The following ATG4B variants were observed in gnomAD, a reference collection of about 807,000 sequenced individuals.
ATG4B encodes the protein autophagy related 4B cysteine peptidase.
In ATG4B, 29 loss-of-function variants were observed where a neutral mutation model predicts 56.6. That is an observed-to-expected ratio of 0.51 (90% CI 0.38 to 0.70). The LOEUF (loss-of-function observed/expected upper bound fraction) is 0.70. Among genes scored for constraint, ATG4B ranks in the 30% least tolerant of loss-of-function variants. The pLI, the probability that ATG4B is intolerant of heterozygous loss-of-function variation, is 0.00. For missense variants in ATG4B, 461 were observed against 515.5 expected (o/e 0.89, Z 1.02); for synonymous variants, 224 against 206.1 (o/e 1.09, Z -0.74).
At chr2:241,655,207 C>T (rs6712888) in intron 5 of ATG4B, 64 bp from the exon 6 acceptor site, 491,944 of 1,514,426 alleles carry the variant, frequency 0.32, 81,140 homozygotes, top group African/African-American at 0.37. Context: ...CCTGGCACCA[C>T]GTGCCACCAG....
intron 1 of ATG4B, among the ~76,000 whole-genome samples, chr2:241,646,028 C>T (rs1379467936): frequency 6.6e-6 from 1 of 152,194 alleles, no homozygotes; most frequent in African/African-American, 2.4e-5. Context: ...TCCTGGTCTC[C>T]TTGATGGTTT....
intron 8 of ATG4B, among the ~76,000 whole-genome samples, chr2:241,667,285 T>G (rs981617287): frequency 6.6e-6 from 1 of 151,920 alleles, no homozygotes; most frequent in African/African-American, 2.4e-5. Context: ...TGTGAGGAGC[T>G]CCAGCCACAG....
Position 241,672,486 on chromosome 2 carries a change from G to A in ATG4B, c.*222G>A, listed in dbSNP as rs951621946. The A allele has an allele frequency of 2.6e-5, 15 of 578,302 alleles. No individual in the cohort carries two copies. The highest frequency in any genetic ancestry group is 4.0e-5 in the Non-Finnish European group (13 of 324,000). 35.8% of individuals were successfully genotyped at this position (578,302 alleles called of 1,614,324 possible). ...AGTGCCCGTCAGGGCCTGTGCATCCGCACGCGGAGCCGTCTGTTAGGAGCT... is the reference window on the plus strand; with the variant it reads ...AGTGCCCGTCAGGGCCTGTGCATCCACACGCGGAGCCGTCTGTTAGGAGCT... On this transcript the variant is annotated 3_prime_UTR_variant, in exon 13 of 13. Coordinates refer to ENST00000404914, the MANE Select transcript of ATG4B (RefSeq NM_013325.5).
intron 1 of ATG4B, among the ~76,000 whole-genome samples, chr2:241,642,188 T>C (rs4675900): frequency 0.73 from 110,045 of 150,050 alleles, 41,869 homozygotes; most frequent in East Asian, 0.95. Flanking sequence ...TTTCTTGAGA[T>C]GGAGTCTTGC....
At position 241,671,211 on chromosome 2, in the gene ATG4B, A is replaced by G. The variant is rs999148315; in HGVS notation, c.1015-101A>G. ...TCTGTTTTCTCATCAGTGAGATGGG[A>G]TGACAGGTTTGTCCGCTGGCTGTGG... On this transcript the variant is annotated intron_variant, in intron 11 of 12. Coordinates refer to ENST00000404914, the MANE Select transcript of ATG4B (RefSeq NM_013325.5). 3.0e-6 allele frequency: 3 copies of G among 1,010,986 alleles called. No individual in the cohort carries two copies. The South Asian group carries it at 4.5e-5, about 15-fold the overall frequency. The allele number at this position is 1,010,986 out of a possible 1,614,324, so 62.6% of individuals were successfully genotyped here.
At chr2:241,649,466 T>C (rs1218732814) in intron 1 of ATG4B, among the ~76,000 whole-genome samples, 1 of 152,228 alleles carries the variant, frequency 6.6e-6, no homozygotes, top group East Asian at 1.9e-4. Context: ...ATGTGATTGA[T>C]TTTCAAAAGA....
At position 241,668,648 on chromosome 2, in the gene ATG4B, G is replaced by A. The variant is rs376471120; in HGVS notation, c.920G>A (p.Arg307His). Residue 307 changes from arginine (R) to histidine (H), a missense_variant, in exon 10 of 13, where the codon CGC (arginine) becomes CAC (histidine). Transcript: ENST00000404914. This position sits in a 1 kb window ranked among gnomAD's most constrained non-coding sequence, Gnocchi z 4.2. ...TTCCACTGCCAGCACCCGCCGTGCCGCATGAGCATCGCGGAGCTTGACCCG... is the reference window on the plus strand; with the variant it reads ...TTCCACTGCCAGCACCCGCCGTGCCACATGAGCATCGCGGAGCTTGACCCG... ...ESFHCQHPPC[R>H]MSIAELDPSI... The A allele has an allele frequency of 2.0e-5, 32 of 1,582,050 alleles. No individual in the cohort carries two copies. Among genetic ancestry groups the A allele is most frequent in the Non-Finnish European group, 2.2e-5 (26 of 1,165,312 alleles).
intron 8 of ATG4B, among the ~76,000 whole-genome samples, chr2:241,667,474 C>T (rs899389033): frequency 3.3e-5 from 5 of 151,680 alleles, no homozygotes; most frequent in East Asian, 3.9e-4. Context: ...CATGGTGGTG[C>T]GCGCCTGTAG....
At chr2:241,662,629 C>A (rs889728415) in intron 7 of ATG4B, among the ~76,000 whole-genome samples, 2 of 152,136 alleles carry the variant, frequency 1.3e-5, no homozygotes, top group African/African-American at 4.8e-5. Flanking sequence ...TTCATGTGTT[C>A]GATCATATTC....
chr2:241,670,439 A>C, intron 10 of ATG4B: 1 of 491,994 alleles, frequency 2.0e-6, no homozygotes. Context: ...CAATCCCGGA[A>C]CACTCGGTGA....
chr2:241,652,012 G>A (rs1306039127), intron 3 of ATG4B: 4 of 1,292,244 alleles, frequency 3.1e-6, no homozygotes, highest in Non-Finnish European at 4.1e-6. Context: ...CTCAGTGCCA[G>A]GTCAGGGTTT....
intron 7 of ATG4B, chr2:241,659,390 C>G: frequency 3.0e-6 from 2 of 658,524 alleles, no homozygotes; most frequent in South Asian, 3.0e-5. Context: ...GAGAGGAGAG[C>G]CCAGGCTGTC....
intron 1 of ATG4B, among the ~76,000 whole-genome samples, chr2:241,641,563 AAAAG>A (rs1288310537): frequency 3.3e-5 from 5 of 151,958 alleles, no homozygotes; most frequent in African/African-American, 4.8e-5. Flanking sequence ...AAAAAAAAAA[AAAAG>A]AAACTCAGAT....
intron 7 of ATG4B, among the ~76,000 whole-genome samples, chr2:241,660,850 C>T (rs1256981560): frequency 6.6e-6 from 1 of 152,208 alleles, no homozygotes; most frequent in African/African-American, 2.4e-5. Flanking sequence ...CCCCCTCGTT[C>T]CGCACGCGTG....
intron 7 of ATG4B, 181 bp from the exon 8 acceptor site, chr2:241,666,464 G>T: frequency 3.1e-6 from 2 of 638,636 alleles, no homozygotes; most frequent in South Asian, 2.0e-5. Flanking sequence ...TTTTTCTCTG[G>T]GTGGCAAGAT....
intron 6 of ATG4B, among the ~76,000 whole-genome samples, chr2:241,655,773 C>T (rs2068379721): frequency 6.6e-6 from 1 of 152,224 alleles, no homozygotes; most frequent in Non-Finnish European, 1.5e-5. Flanking sequence ...TTCCCATACA[C>T]CTCAGCGTCT....
chr2:241,644,145 G>C (rs1052716313), intron 1 of ATG4B, among the ~76,000 whole-genome samples: 1 of 152,026 alleles, frequency 6.6e-6, no homozygotes, highest in East Asian at 1.9e-4. Context: ...CCAGGAGTTT[G>C]AGACCAGCCT....
At chr2:241,650,412 C>T (rs571640451) in intron 1 of ATG4B, among the ~76,000 whole-genome samples, 8 of 152,166 alleles carry the variant, frequency 5.3e-5, no homozygotes, top group African/African-American at 1.9e-4. Context: ...AGACCAGAAC[C>T]CCAGTCTTCC....
intron 11 of ATG4B, among the ~76,000 whole-genome samples, 189 bp downstream of exon 11, chr2:241,670,971 C>G (rs2068949322): frequency 6.6e-6 from 1 of 152,344 alleles, no homozygotes; most frequent in South Asian, 2.1e-4. Flanking sequence ...TCTGGCAACA[C>G]AGTTAACAAC....
Sources: allele counts gnomAD v4.1 joint callset (sites outside exome capture counted in the v4.1 genomes callset), GRCh38; gene constraint gnomAD v4.1.1; non-coding constraint Gnocchi (gnomAD v3.1); transcripts MANE v1.5; gene names NCBI Gene and HGNC (gene_info 2026-07-23, HGNC 2026-07-21).